GRM7: variants seen among roughly 807,000 people sequenced by gnomAD.
GRM7 encodes metabotropic glutamate receptor 7.
Under a neutral mutation model 84.5 loss-of-function variants are expected in GRM7, and 35 were observed. That is an observed-to-expected ratio of 0.41 (90% CI 0.32 to 0.55). The LOEUF (loss-of-function observed/expected upper bound fraction) is 0.55, where lower values mean the gene tolerates loss of function less well. Ranked by LOEUF, GRM7 falls within the 20% of genes least tolerant of loss-of-function variation. GRM7 has a pLI of 0.19. For missense variants in GRM7, 1,003 were observed against 1,194.6 expected (o/e 0.84, Z 2.36); for synonymous variants, 487 against 455.1 (o/e 1.07, Z -0.89).
chr3:6,982,563 T>C (rs1411315223), intron 1 of GRM7, among the ~76,000 whole-genome samples: 2 of 151,974 alleles, frequency 1.3e-5, no homozygotes, highest in South Asian at 2.1e-4. Flanking sequence ...TATAGATCCA[T>C]GTAAACATCA....
At chr3:7,079,246 G>A (rs1386981275) in intron 1 of GRM7, among the ~76,000 whole-genome samples, 22 of 152,070 alleles carry the variant, frequency 1.4e-4, no homozygotes, top group Admixed American at 1.4e-3. Context: ...TCACTGCTTA[G>A]CAAGAGTAAA....
intron 1 of GRM7, among the ~76,000 whole-genome samples, chr3:7,057,314 A>G (rs541375704): frequency 3.3e-5 from 5 of 152,096 alleles, no homozygotes; most frequent in African/African-American, 1.2e-4. Context: ...GTATTTATAC[A>G]TATCTTTTGT....
chr3:7,183,237 C>A (rs1322026235), intron 2 of GRM7, among the ~76,000 whole-genome samples: 1 of 152,134 alleles, frequency 6.6e-6, no homozygotes, highest in Non-Finnish European at 1.5e-5. Flanking sequence ...TAAGAAAGAA[C>A]CCACAATTGT....
Position 7,055,054 on chromosome 3 carries a change from C to G in GRM7, c.520-91398C>G, listed in dbSNP as rs554741400. On this transcript the variant is annotated intron_variant, in intron 1 of 9. Coordinates refer to ENST00000357716, the MANE Select transcript of GRM7 (RefSeq NM_000844.4). ...GGTCTCTTGCTATTGGTTTTTGTAT[C>G]AATCTTTTTTTGTGTGTCCTTTTCC... Among the ~76,000 whole-genome samples, 25 of 152,000 alleles carry G rather than the reference C, an allele frequency of 1.6e-4. No homozygotes were observed. The East Asian group carries it at 3.7e-3, about 23-fold the overall frequency.
intron 8 of GRM7, among the ~76,000 whole-genome samples, chr3:7,645,660 C>T (rs1698601898): frequency 6.6e-6 from 1 of 151,296 alleles, no homozygotes; most frequent in African/African-American, 2.4e-5. Context: ...AGTCATAAGA[C>T]AGAAAATCTT....
chr3:7,333,146 C>A (rs1426034723), intron 4 of GRM7, among the ~76,000 whole-genome samples: 1 of 151,902 alleles, frequency 6.6e-6, no homozygotes, highest in African/African-American at 2.4e-5. Context: ...CCCTGGCTAA[C>A]CTGAGTCTGC....
intron 2 of GRM7, among the ~76,000 whole-genome samples, chr3:7,290,066 T>C (rs1246389868): frequency 6.6e-6 from 1 of 152,142 alleles, no homozygotes; most frequent in Non-Finnish European, 1.5e-5. Context: ...GTATTTTATG[T>C]TAATTTCTAT....
At chr3:7,320,228 A>T (rs979476150) in intron 4 of GRM7, among the ~76,000 whole-genome samples, 1 of 151,928 alleles carries the variant, frequency 6.6e-6, no homozygotes, top group Admixed American at 6.6e-5. Flanking sequence ...TGCTAGACTC[A>T]TGGCTGAGAC....
intron 2 of GRM7, among the ~76,000 whole-genome samples, chr3:7,148,028 G>A (rs1694164407): frequency 6.6e-6 from 1 of 152,022 alleles, no homozygotes; most frequent in South Asian, 2.1e-4. Flanking sequence ...TTTCTACTAT[G>A]GCCCCAGGTG....
intron 1 of GRM7, among the ~76,000 whole-genome samples, chr3:7,068,858 A>G (rs1215169787): frequency 6.6e-6 from 1 of 151,958 alleles, no homozygotes; most frequent in African/African-American, 2.4e-5. Flanking sequence ...ATAACTAGAA[A>G]GCCTAGTGGC....
intron 1 of GRM7, among the ~76,000 whole-genome samples, chr3:7,116,292 A>G (rs899106978): frequency 1.3e-5 from 2 of 152,318 alleles, no homozygotes; most frequent in South Asian, 2.1e-4. Flanking sequence ...ATCGTGAATT[A>G]TAACAACTGA....
intron 2 of GRM7, among the ~76,000 whole-genome samples, chr3:7,293,168 A>C (rs1213161144): frequency 6.6e-6 from 1 of 152,168 alleles, no homozygotes; most frequent in Non-Finnish European, 1.5e-5. Context: ...ATTGAGTTTC[A>C]GGCTTTAAAC....
chr3:7,312,750 A>C (rs1450582959), intron 4 of GRM7, among the ~76,000 whole-genome samples: 2 of 151,750 alleles, frequency 1.3e-5, no homozygotes, highest in African/African-American at 2.4e-5. Context: ...CTTCATAGAG[A>C]TATTTCCCTC....
chr3:6,877,958 T>C (rs1695376394), intron 1 of GRM7, among the ~76,000 whole-genome samples: 1 of 151,988 alleles, frequency 6.6e-6, no homozygotes. Context: ...ACTTTTTTTT[T>C]TTTTTACAGA....
intron 7 of GRM7, among the ~76,000 whole-genome samples, chr3:7,566,549 G>T (rs577447495): frequency 1.3e-4 from 20 of 152,256 alleles, no homozygotes; most frequent in Non-Finnish European, 2.5e-4. Flanking sequence ...CTATCACAGA[G>T]TGAGAAGAAA....
At chr3:7,678,640 A>C (rs1295614311) in intron 8 of GRM7, among the ~76,000 whole-genome samples, 2 of 152,198 alleles carry the variant, frequency 1.3e-5, no homozygotes, top group African/African-American at 4.8e-5. Context: ...TTGTCTTTCT[A>C]TGTTACATTC....
chr3:7,544,124 C>T (rs1328767694), intron 7 of GRM7, among the ~76,000 whole-genome samples: 2 of 152,136 alleles, frequency 1.3e-5, no homozygotes, highest in African/African-American at 2.4e-5. Flanking sequence ...AGCATGCTCA[C>T]GCTTAGGCGT....
chr3:6,969,197 C>T (rs12107415), intron 1 of GRM7, among the ~76,000 whole-genome samples: 9,220 of 151,886 alleles, frequency 0.061, 548 homozygotes, highest in African/African-American at 0.15. Flanking sequence ...TCAAAGTTGG[C>T]CCCATCAGGG....
intron 1 of GRM7, among the ~76,000 whole-genome samples, chr3:7,062,562 G>A (rs936632772): frequency 6.6e-6 from 1 of 151,678 alleles, no homozygotes. Flanking sequence ...CACCCCCAGG[G>A]AGTTTGCCAT....
Sources: allele counts gnomAD v4.1 joint callset (sites outside exome capture counted in the v4.1 genomes callset), GRCh38; gene constraint gnomAD v4.1.1; transcripts MANE v1.5; gene names NCBI Gene and HGNC (gene_info 2026-07-23, HGNC 2026-07-21).